The following OSBPL10 variants were observed in gnomAD, a reference collection of about 807,000 sequenced individuals.
The protein encoded by OSBPL10 is oxysterol-binding protein-related protein 10.
OSBPL10 carries 49 observed loss-of-function variants against 81.7 expected under a neutral mutation model. The observed-to-expected ratio is 0.60, with a 90% CI of 0.48 to 0.76. The LOEUF is 0.76. Ranked by LOEUF, OSBPL10 falls within the 30% of genes least tolerant of loss-of-function variation. The pLI is 0.00. For missense variants in OSBPL10, 923 were observed against 987.8 expected (o/e 0.93, Z 0.88); for synonymous variants, 419 against 383.6 (o/e 1.09, Z -1.08).
At chr3:31,960,940 A>G (rs539629596) in intron 1 of OSBPL10, among the ~76,000 whole-genome samples, 1 of 152,242 alleles carries the variant, frequency 6.6e-6, no homozygotes, top group East Asian at 1.9e-4. Context: ...GTTAAAACCA[A>G]ACTGCTTGAA....
At chr3:31,971,139 CTTTTTTT>C (rs56785817) in intron 1 of OSBPL10, among the ~76,000 whole-genome samples, 4 of 119,358 alleles carry the variant, frequency 3.4e-5, no homozygotes, top group South Asian at 5.7e-4. Context: ...TTTCTTTTTT[CTTTTTTT>C]TTTTTTTTTT....
At chr3:31,909,329 GAATA>G (rs760063755) in intron 1 of OSBPL10, among the ~76,000 whole-genome samples, 2 of 152,052 alleles carry the variant, frequency 1.3e-5, no homozygotes, top group Non-Finnish European at 2.9e-5. Context: ...CATTCAACCA[GAATA>G]CCAATATGAT....
chr3:31,950,578 C>T (rs1355229554), intron 1 of OSBPL10, among the ~76,000 whole-genome samples: 1 of 152,154 alleles, frequency 6.6e-6, no homozygotes, highest in East Asian at 1.9e-4. Flanking sequence ...CATCCAAATA[C>T]CCTGAAGCCC....
chr3:31,922,341 G>A (rs997825309), intron 1 of OSBPL10, among the ~76,000 whole-genome samples: 2 of 152,140 alleles, frequency 1.3e-5, no homozygotes, highest in African/African-American at 2.4e-5. Context: ...AAACCTGGCC[G>A]GGAGCAGTGG....
chr3:31,810,758 G>C (rs950443706), intron 4 of OSBPL10, among the ~76,000 whole-genome samples: 1 of 152,152 alleles, frequency 6.6e-6, no homozygotes, highest in Non-Finnish European at 1.5e-5. Flanking sequence ...TAGCCAATTG[G>C]CAAATGCAAA....
At chr3:31,969,882 A>AT (rs1447912140) in intron 1 of OSBPL10, among the ~76,000 whole-genome samples, 7 of 146,008 alleles carry the variant, frequency 4.8e-5, no homozygotes, top group Non-Finnish European at 9.1e-5. Context: ...AAAAAAAAAA[A>AT]CACGAGGCCT....
chr3:31,770,063 A>G (rs1436450560), intron 4 of OSBPL10, among the ~76,000 whole-genome samples: 1 of 152,186 alleles, frequency 6.6e-6, no homozygotes, highest in South Asian at 2.1e-4. Context: ...ATTCTCAAAG[A>G]AACTTGTGGT....
chr3:31,970,650 A>G (rs993260833), intron 1 of OSBPL10, among the ~76,000 whole-genome samples: 2 of 152,244 alleles, frequency 1.3e-5, no homozygotes, highest in African/African-American at 4.8e-5. Context: ...ACCCACCTCC[A>G]TCTCATTTTA....
chr3:32,002,020 A>G (rs1482342681), intron 2 of OSBPL10, among the ~76,000 whole-genome samples: 2 of 152,192 alleles, frequency 1.3e-5, no homozygotes, highest in African/African-American at 4.8e-5. Flanking sequence ...TGATTAATAA[A>G]TGGCAGGTTA....
intron 4 of OSBPL10, among the ~76,000 whole-genome samples, chr3:31,753,415 C>T (rs1417279363): frequency 6.6e-6 from 1 of 152,050 alleles, no homozygotes; most frequent in Non-Finnish European, 1.5e-5. Flanking sequence ...GAACTCCTGA[C>T]CTCAGGTGAT....
At chr3:31,761,721 A>G (rs1698046681) in intron 4 of OSBPL10, among the ~76,000 whole-genome samples, 1 of 150,672 alleles carries the variant, frequency 6.6e-6, no homozygotes, top group African/African-American at 2.5e-5. Context: ...AGACTGAGGC[A>G]GGAGAATCAC....
chr3:31,927,512 A>G (rs1697108829), intron 1 of OSBPL10, among the ~76,000 whole-genome samples: 1 of 152,184 alleles, frequency 6.6e-6, no homozygotes, highest in Admixed American at 6.5e-5. Context: ...AAACTGAACA[A>G]CCTATGTCAG....
chr3:31,985,738 T>C (rs925983960), upstream of OSBPL10, among the ~76,000 whole-genome samples: 8 of 152,224 alleles, frequency 5.3e-5, no homozygotes, highest in Non-Finnish European at 7.3e-5. Flanking sequence ...GTTAGAAACA[T>C]GTGGTCTGAT....
At chr3:32,071,833 C>T (rs985352956) in intron 1 of OSBPL10, among the ~76,000 whole-genome samples, 2 of 152,238 alleles carry the variant, frequency 1.3e-5, no homozygotes, top group African/African-American at 4.8e-5. Context: ...CCTGATACCA[C>T]ACCTGACCCC....
chr3:32,069,332 G>A (rs1292412743), intron 1 of OSBPL10, among the ~76,000 whole-genome samples: 2 of 152,108 alleles, frequency 1.3e-5, no homozygotes, highest in African/African-American at 4.8e-5. Context: ...AGACCTCCAG[G>A]AAGGCATTAG....
chr3:31,681,061 T>C (rs1308340077), intron 8 of OSBPL10, among the ~76,000 whole-genome samples: 1 of 152,174 alleles, frequency 6.6e-6, no homozygotes, highest in East Asian at 1.9e-4. Context: ...ACAACCCACC[T>C]CCATCTGAAT....
chr3:31,747,472 A>G (rs964912691), intron 5 of OSBPL10, among the ~76,000 whole-genome samples: 9 of 148,030 alleles, frequency 6.1e-5, no homozygotes, highest in African/African-American at 2.3e-4. Flanking sequence ...GAATGGAATG[A>G]AATGAATCTT....
At position 31,662,861 on chromosome 3, in the gene OSBPL10, A is replaced by C. The variant is rs906902697; in HGVS notation, c.2251-745T>G. On this transcript the variant is annotated intron_variant, in intron 11 of 11. Coordinates refer to ENST00000396556, the MANE Select transcript of OSBPL10 (RefSeq NM_017784.5). The stretch of plus-strand genomic sequence containing the variant: ...GCTCCCTCAAGAGAAAAGGGAGCTA[A>C]CCTCACAGAAGGATCTTTCAAGGTT... 3 of 985,458 alleles carry C rather than the reference A, an allele frequency of 3.0e-6. No individual in the cohort carries two copies. In the East Asian group the frequency reaches 3.4e-4, roughly 112 times the overall value. The allele number at this position is 985,458 out of a possible 1,614,324, so 61.0% of individuals were successfully genotyped here.
intron 3 of OSBPL10, among the ~76,000 whole-genome samples, chr3:31,861,678 A>G (rs1037218006): frequency 1.3e-5 from 2 of 152,198 alleles, no homozygotes; most frequent in African/African-American, 4.8e-5. Context: ...CTGGTTATCT[A>G]TTACTGCCTA....
Sources: allele counts gnomAD v4.1 joint callset (sites outside exome capture counted in the v4.1 genomes callset), GRCh38; gene constraint gnomAD v4.1.1; transcripts MANE v1.5; gene names NCBI Gene and HGNC (gene_info 2026-07-23, HGNC 2026-07-21).